Variants in DPP6 observed in about 807,000 individuals in gnomAD.
The protein encoded by DPP6 is A-type potassium channel modulatory protein DPP6.
A neutral mutation model predicts 122.6 loss-of-function variants in DPP6; 69 were observed. The observed-to-expected ratio is 0.56, with a 90% confidence interval of 0.46 to 0.69. The LOEUF (loss-of-function observed/expected upper bound fraction) is 0.69. Ranked by LOEUF, DPP6 falls within the 30% of genes least tolerant of loss-of-function variation. The pLI, the probability that DPP6 is intolerant of heterozygous loss-of-function variation, is 0.00. For missense variants in DPP6, 928 were observed against 1,116.9 expected (o/e 0.83, Z 2.41); for synonymous variants, 418 against 433.1 (o/e 0.97, Z 0.43).
At chr7:154,801,288 C>T (rs1205023196) in intron 12 of DPP6, 67 bp from the exon 13 acceptor site, 1 of 1,542,832 alleles carries the variant, frequency 6.5e-7, no homozygotes, top group African/African-American at 1.4e-5. Flanking sequence ...TGTATTTTAT[C>T]CTGGTTCAAC....
At position 153,975,783 on chromosome 7, in the gene DPP6, A is replaced by G. The variant is rs3961901; in HGVS notation, c.51+88049A>G. Reference sequence around the variant, plus strand: ...ATATGACAAAAGCAATATAGCATAGACATTGAATAGAGACTTTGAAGTCAA... The same window carrying G: ...ATATGACAAAAGCAATATAGCATAGGCATTGAATAGAGACTTTGAAGTCAA... On this transcript the variant is annotated intron_variant, in intron 1 of 25. Transcript: ENST00000404039. Among the ~76,000 whole-genome samples, 330 of 152,160 alleles carry G rather than the reference A, an allele frequency of 2.2e-3. 4 individuals are homozygous for G. Among genetic ancestry groups the G allele is most frequent in the African/African-American group, 7.0e-3 (288 of 41,388 alleles).
intron 1 of DPP6, among the ~76,000 whole-genome samples, chr7:154,089,465 G>A (rs28735700): frequency 0.12 from 14,499 of 125,486 alleles, 1,267 homozygotes; most frequent in African/African-American, 0.24. Flanking sequence ...ACACCCCTCC[G>A]TTCTCCCCAG....
At chr7:154,431,992 A>G (rs1028811123) in intron 1 of DPP6, among the ~76,000 whole-genome samples, 11 of 152,080 alleles carry the variant, frequency 7.2e-5, no homozygotes, top group Non-Finnish European at 1.6e-4. Flanking sequence ...CCCTGATCTC[A>G]GCCTGGCCCA....
intron 1 of DPP6, among the ~76,000 whole-genome samples, chr7:154,000,632 GT>G (rs1374362579): frequency 6.6e-6 from 1 of 152,230 alleles, no homozygotes; most frequent in Non-Finnish European, 1.5e-5. Flanking sequence ...ACCTAGAGAA[GT>G]TATTTTGGCT....
chr7:153,971,878 C>T (rs1273271242), intron 1 of DPP6, among the ~76,000 whole-genome samples: 1 of 145,404 alleles, frequency 6.9e-6, no homozygotes, highest in African/African-American at 2.6e-5. Flanking sequence ...GTTCATTAGG[C>T]CACCAGGTCT....
intron 7 of DPP6, among the ~76,000 whole-genome samples, chr7:154,692,013 A>G (rs59305788): frequency 0.028 from 4,334 of 152,222 alleles, 214 homozygotes; most frequent in East Asian, 0.19. Context: ...GATGATGTGT[A>G]TAACCCCTCT....
At chr7:154,398,932 A>T (rs1815333936) in intron 1 of DPP6, among the ~76,000 whole-genome samples, 1 of 152,228 alleles carries the variant, frequency 6.6e-6, no homozygotes, top group Admixed American at 6.5e-5. Flanking sequence ...AGAAGGAAAG[A>T]TATTGTTTCT....
intron 5 of DPP6, among the ~76,000 whole-genome samples, chr7:154,579,641 G>A (rs1831914633): frequency 6.6e-6 from 1 of 152,208 alleles, no homozygotes; most frequent in South Asian, 2.1e-4. Context: ...GTTGTCATGA[G>A]TCAAATGCCA....
At chr7:154,587,888 G>A in intron 5 of DPP6, 1 of 1,612,904 alleles carries the variant, frequency 6.2e-7, no homozygotes. Context: ...TGGAGACCCT[G>A]GCTGGAGGAT....
chr7:153,963,387 C>T (rs1264584370), intron 1 of DPP6, among the ~76,000 whole-genome samples: 2 of 147,918 alleles, frequency 1.4e-5, no homozygotes, highest in African/African-American at 4.9e-5. Context: ...AGTAAAAAAC[C>T]CGAGAAAACC....
At position 154,863,370 on chromosome 7, in the gene DPP6, T is replaced by A. The variant is rs1584926412; in HGVS notation, c.1715-4625T>A. ...TTTTTTTTTTTTTTTGAGATGGGGG[T>A]CTTGCTCTGTCACCTAGGCTCAAGG... is the stretch of plus-strand genomic sequence containing the variant. On this transcript the variant is annotated intron_variant, in intron 17 of 25. Coordinates refer to ENST00000377770, the MANE Select transcript of DPP6 (RefSeq NM_130797.4). This position sits in a 1 kb window ranked among gnomAD's most constrained non-coding sequence, Gnocchi z 4.1. 7.1e-6 allele frequency among the ~76,000 whole-genome samples: 1 copy of A among 141,160 alleles called. No homozygotes were observed. Among genetic ancestry groups the A allele is most frequent in the Admixed American group, 7.1e-5 (1 of 13,992 alleles). 92.6% of individuals were successfully genotyped at this position (141,160 alleles called of 152,430 possible).
intron 1 of DPP6, among the ~76,000 whole-genome samples, chr7:154,359,434 C>T (rs1055279551): frequency 1.3e-5 from 2 of 152,072 alleles, no homozygotes; most frequent in Non-Finnish European, 2.9e-5. Flanking sequence ...CTGCAGGAGC[C>T]CCCAGCCCCT....
intron 6 of DPP6, among the ~76,000 whole-genome samples, 151 bp from the exon 7 acceptor site, chr7:154,669,207 CAT>C (rs1314347130): frequency 2.6e-5 from 4 of 152,172 alleles, no homozygotes; most frequent in African/African-American, 9.7e-5. Context: ...CTAAATGAGA[CAT>C]ATTACTTAGT....
chr7:154,453,297 A>G (rs1194063409), intron 2 of DPP6, among the ~76,000 whole-genome samples: 2 of 152,162 alleles, frequency 1.3e-5, no homozygotes, highest in East Asian at 3.9e-4. Flanking sequence ...TCAAAGTCAT[A>G]GTGAATGGAG....
chr7:154,775,827 C>T (rs534145645), intron 10 of DPP6, among the ~76,000 whole-genome samples: 4 of 152,286 alleles, frequency 2.6e-5, no homozygotes, highest in Non-Finnish European at 4.4e-5. Context: ...CATCTCAGGC[C>T]GAACCCGGTC....
At chr7:153,880,469 T>C in the DPP6 span, among the ~76,000 whole-genome samples, 55,561 of 152,176 alleles carry the variant, frequency 0.37, 10,970 homozygotes, top group Middle Eastern at 0.5. Flanking sequence ...TTCTTACACT[T>C]CCTTAAGATA....
At chr7:154,162,538 A>G (rs979602134) in intron 1 of DPP6, among the ~76,000 whole-genome samples, 11 of 152,036 alleles carry the variant, frequency 7.2e-5, no homozygotes, top group Non-Finnish European at 1.5e-4. Context: ...AGCCTGGCAC[A>G]CTCTGGAGCT....
At chr7:154,280,079 C>A (rs767851429) in intron 1 of DPP6, among the ~76,000 whole-genome samples, 36 of 152,016 alleles carry the variant, frequency 2.4e-4, no homozygotes, top group Non-Finnish European at 1.5e-5. Flanking sequence ...ATTGTTTATC[C>A]CCGATAACTG....
intron 7 of DPP6, among the ~76,000 whole-genome samples, chr7:154,675,653 C>T (rs1319608294): frequency 2.6e-5 from 4 of 152,188 alleles, no homozygotes; most frequent in Non-Finnish European, 5.9e-5. Flanking sequence ...TGCCTGATCC[C>T]GGATGCAGAA....
Sources: allele counts gnomAD v4.1 joint callset (sites outside exome capture counted in the v4.1 genomes callset), GRCh38; gene constraint gnomAD v4.1.1; non-coding constraint Gnocchi (gnomAD v3.1); transcripts MANE v1.5; gene names NCBI Gene and HGNC (gene_info 2026-07-23, HGNC 2026-07-21).